Variants in LRP12 observed in about 807,000 individuals in gnomAD.
LRP12 encodes the protein low-density lipoprotein receptor-related protein 12.
Under a neutral mutation model 66.0 loss-of-function variants are expected in LRP12, and 14 were observed. That is an observed-to-expected ratio of 0.21 (90% CI 0.14 to 0.33). The LOEUF (loss-of-function observed/expected upper bound fraction) is 0.33. Ranked by LOEUF, LRP12 falls within the 10% of genes least tolerant of loss-of-function variation. LRP12 has a pLI of 1.00. For synonymous variants in LRP12, 357 were observed against 359.1 expected (o/e 0.99, Z 0.07); for missense variants, 889 against 1,053.4 (o/e 0.84, Z 2.16).
intron 1 of LRP12, among the ~76,000 whole-genome samples, chr8:104,550,833 T>C (rs1481904591): frequency 6.6e-6 from 1 of 152,210 alleles, no homozygotes. Flanking sequence ...ATGAATTAGC[T>C]TGCAAACTGG....
rs1395946534 is a variant in LRP12, at chr8:104,548,338, A to T, written c.80-16375T>A. 4.6e-4 allele frequency among the ~76,000 whole-genome samples: 4 copies of T among 8,766 alleles called. 1 individual carries two copies. The highest frequency in any genetic ancestry group is 5.6e-3 in the Admixed American group (2 of 360). 5.8% of individuals were successfully genotyped at this position (8,766 alleles called of 152,430 possible). A position where few individuals can be genotyped will look rare whatever the true frequency, so the allele number is the denominator to read the frequency against. ...ATAAATATATAATATATATTATATA[A>T]ATATATAAATATATAATATATATTA... On this transcript the variant is annotated intron_variant, in intron 1 of 6. Transcript: ENST00000276654.
rs1810759670 is a variant in LRP12, at chr8:104,497,810, G to A, written c.742C>T (p.Leu248=). 2 of 1,614,182 alleles carry A rather than the reference G, an allele frequency of 1.2e-6. No individual in the cohort carries two copies. The highest frequency in any genetic ancestry group is 1.7e-6 in the Non-Finnish European group (2 of 1,180,026). The change falls in exon 5 of 7, where the codon CTA becomes TTA. Residue 248 remains leucine, a synonymous_variant. Transcript: ENST00000276654. The surrounding 1 kb of genome is among the most constrained non-coding windows in gnomAD (Gnocchi z 4.3). ...KCDGNIDCLD[L]GDEIDCDVPT... ...ACATCACAGTCTATCTCATCTCCTA[G>A]GTCAAGGCAGTCAATGTTCCCATCA...
intron 1 of LRP12, among the ~76,000 whole-genome samples, chr8:104,540,001 G>A (rs983855481): frequency 6.6e-6 from 1 of 152,030 alleles, no homozygotes; most frequent in African/African-American, 2.4e-5. Context: ...GTTACATGTC[G>A]GCAGGCCTAA....
In LRP12 at chr8:104,581,532, G is replaced by GA. The variant is rs535359704; in HGVS notation, c.79+7286dup. 6.9e-3 allele frequency among the ~76,000 whole-genome samples: 976 copies of GA among 140,542 alleles called. 10 individuals are homozygous for GA. The highest frequency in any genetic ancestry group is 0.019 in the African/African-American group (726 of 38,644). 92.2% of individuals were successfully genotyped at this position (140,542 alleles called of 152,430 possible). ...CACATGTACTCCTGAACTTAAAAGT[G>GA]AAAAAAAAAAAACTAGCCAGATCAT... On this transcript the variant is annotated intron_variant, in intron 1 of 6. Transcript: ENST00000276654.
chr8:104,561,050 C>T (rs147419379), intron 1 of LRP12, among the ~76,000 whole-genome samples: 64 of 152,262 alleles, frequency 4.2e-4, no homozygotes, highest in African/African-American at 1.4e-3. Flanking sequence ...GTGGGCCATA[C>T]GGTTTCTGTT....
chr8:104,565,042 AAG>A, intron 1 of LRP12, among the ~76,000 whole-genome samples: 1 of 152,298 alleles, frequency 6.6e-6, no homozygotes, highest in Admixed American at 6.5e-5. Flanking sequence ...ATTAAAACCT[AAG>A]AGACAAAAAA....
chr8:104,571,095 A>G (rs2140894082), intron 1 of LRP12, among the ~76,000 whole-genome samples: 1 of 152,348 alleles, frequency 6.6e-6, no homozygotes, highest in African/African-American at 2.4e-5. Flanking sequence ...AGCAACTGAA[A>G]CACTCCCACA....
chr8:104,571,333 C>T (rs1314457543), intron 1 of LRP12, among the ~76,000 whole-genome samples: 2 of 152,126 alleles, frequency 1.3e-5, no homozygotes, highest in East Asian at 3.9e-4. Context: ...AGCACTACCA[C>T]CTGATAAGGT....
At chr8:104,569,125 A>G (rs1812043886) in intron 1 of LRP12, among the ~76,000 whole-genome samples, 2 of 152,186 alleles carry the variant, frequency 1.3e-5, no homozygotes, top group Non-Finnish European at 2.9e-5. Flanking sequence ...TATGACATGA[A>G]TAAGCCATGA....
chr8:104,555,287 T>A (rs577770169), intron 1 of LRP12, among the ~76,000 whole-genome samples: 1 of 151,852 alleles, frequency 6.6e-6, no homozygotes, highest in African/African-American at 2.4e-5. Flanking sequence ...AGGCAACAAA[T>A]AGCATGATGA....
intron 1 of LRP12, among the ~76,000 whole-genome samples, chr8:104,542,038 T>C (rs1029020634): frequency 6.6e-6 from 1 of 152,194 alleles, no homozygotes; most frequent in Non-Finnish European, 1.5e-5. Flanking sequence ...GTGGGTCATA[T>C]GGTATCCCTA....
rs760187705 is a variant in LRP12, at chr8:104,495,213, TGAGAG to T, written c.1581-9_1581-5del. On this transcript the variant is annotated splice_region_variant and splice_polypyrimidine_tract_variant and intron_variant, in intron 5 of 6. Transcript: ENST00000276654. ...TGACAACTGTGTTTCAAATGATCTT[TGAGAG>T]TAGATGGAAAGAAAAATGATTAAAA... 3.1e-6 allele frequency: 5 copies of T among 1,603,666 alleles called. No individual in the cohort carries two copies. In the South Asian group the frequency reaches 5.7e-5, roughly 18 times the overall value.
intron 1 of LRP12, among the ~76,000 whole-genome samples, chr8:104,561,579 G>A (rs1363751662): frequency 2.0e-5 from 3 of 152,198 alleles, no homozygotes; most frequent in Non-Finnish European, 4.4e-5. Flanking sequence ...ATCAGAGTAT[G>A]GAGTTAGTGC....
Position 104,497,264 on chromosome 8 carries a change from A to G in LRP12, c.1288T>C (p.Ser430Pro), listed in dbSNP as rs781427013. 1 of 1,614,206 alleles carries G rather than the reference A, an allele frequency of 6.2e-7. No homozygotes were observed. The highest frequency in any genetic ancestry group is 1.1e-5 in the South Asian group (1 of 91,080). The change falls in exon 5 of 7, where the codon TCT becomes CCT. Residue 430 changes from serine (S) to proline (P), a missense_variant. Physicochemically the swap from Ser to Pro is moderately conservative, Grantham distance 74. Coordinates refer to ENST00000276654, the MANE Select transcript of LRP12 (RefSeq NM_013437.5). The surrounding 1 kb of genome is among the most constrained non-coding windows in gnomAD (Gnocchi z 4.3). Reference sequence around the variant, plus strand: ...TGATTCTGGTAGTTGCAGCGATCAGAACGAGGATAACAGACACCATTTCGG... The same window carrying G: ...TGATTCTGGTAGTTGCAGCGATCAGGACGAGGATAACAGACACCATTTCGG... Reference protein sequence around the residue: ...CSRNGVCYPRSDRCNYQNHCP... With the variant: ...CSRNGVCYPRPDRCNYQNHCP...
intron 1 of LRP12, among the ~76,000 whole-genome samples, chr8:104,556,056 T>C (rs796743906): frequency 8.5e-5 from 13 of 152,302 alleles, no homozygotes; most frequent in African/African-American, 3.1e-4. Context: ...TGTTCCTGAA[T>C]GATAATTGGG....
chr8:104,530,252 C>T (rs912777335), intron 2 of LRP12, among the ~76,000 whole-genome samples: 30 of 152,076 alleles, frequency 2.0e-4, no homozygotes, highest in African/African-American at 6.8e-4. Flanking sequence ...GTCCTTGTTA[C>T]AGACTGAATT....
At position 104,535,798 on chromosome 8, in the gene LRP12, C is replaced by A. The variant is rs545140038; in HGVS notation, c.80-3835G>T. Among the ~76,000 whole-genome samples the A allele has an allele frequency of 7.2e-5, 11 of 151,988 alleles. No individual in the cohort carries two copies. In the East Asian group the frequency reaches 1.7e-3, roughly 24 times the overall value. ...AAGATTTCAGGTTCAATACTAATTCCCACATTAAAAAGTTTGTGTTCCTTA... is the reference window on the plus strand; with the variant it reads ...AAGATTTCAGGTTCAATACTAATTCACACATTAAAAAGTTTGTGTTCCTTA... On this transcript the variant is annotated intron_variant, in intron 1 of 6. Coordinates refer to ENST00000276654, the MANE Select transcript of LRP12 (RefSeq NM_013437.5).
At chr8:104,548,303 T>TATATG (rs1564142087) in intron 1 of LRP12, among the ~76,000 whole-genome samples, 1 of 35,754 alleles carries the variant, frequency 2.8e-5, no homozygotes, top group African/African-American at 2.5e-4. Flanking sequence ...ATTTATATAA[T>TATATG]ATATATTATA....
chr8:104,567,289 G>GAGGCAAA (rs1302581692), intron 1 of LRP12, among the ~76,000 whole-genome samples: 6 of 152,154 alleles, frequency 3.9e-5, no homozygotes, highest in Admixed American at 2.0e-4. Flanking sequence ...ATCATGGCGG[G>GAGGCAAA]AGGCAAAAGG....
Sources: gnomAD v4.1 joint callset for allele counts (sites outside exome capture counted in the v4.1 genomes callset) on GRCh38, gnomAD v4.1.1 for gene constraint, Gnocchi (gnomAD v3.1) non-coding constraint, MANE v1.5 for transcripts, NCBI Gene and HGNC (gene_info 2026-07-23, HGNC 2026-07-21) for gene names.